PTGFRN: variants seen among roughly 807,000 people sequenced by gnomAD.
PTGFRN encodes prostaglandin F2 receptor inhibitor.
A neutral mutation model predicts 83.2 loss-of-function variants in PTGFRN; 35 were observed. That is an observed-to-expected ratio of 0.42 (90% CI 0.32 to 0.56). The LOEUF is 0.56. PTGFRN is among the 20% of genes least tolerant of loss of function. The probability of loss-of-function intolerance (pLI) is 0.11; values close to 1 mark genes in which losing one functional copy is unlikely to be tolerated. For missense variants in PTGFRN, 1,051 were observed against 1,179.5 expected, an observed-to-expected ratio of 0.89 and a Z score of 1.60; for synonymous variants, 519 against 498.6, an observed-to-expected ratio of 1.04 and a Z score of -0.55.
At position 116,936,784 on chromosome 1, in the gene PTGFRN, T is replaced by TATTC. The variant is rs556079917; in HGVS notation, c.50-4915_50-4912dup. ...ATCATGAGTGGTCTTGTATGTCTTT[T>TATTC]ATTCATTCATTCATTCATTTAACAA... On this transcript the variant is annotated intron_variant, in intron 1 of 8. Transcript: ENST00000393203. Among the ~76,000 whole-genome samples the TATTC allele has an allele frequency of 5.6e-4, 86 of 152,340 alleles. No individual in the cohort carries two copies. The Middle Eastern group carries it at 0.014, about 24-fold the overall frequency.
chr1:116,948,290 CAG>C (rs1368257375), intron 3 of PTGFRN, among the ~76,000 whole-genome samples: 1 of 152,176 alleles, frequency 6.6e-6, no homozygotes, highest in Non-Finnish European at 1.5e-5. Flanking sequence ...AAAGCTTTGA[CAG>C]GGGAATGCTG....
At position 116,964,084 on chromosome 1, in the gene PTGFRN, C is replaced by CG. The variant is rs200663157; in HGVS notation, c.1639+2416_1639+2417insG. Among the ~76,000 whole-genome samples the CG allele has an allele frequency of 4.4e-3, 674 of 152,082 alleles. 3 individuals are homozygous for CG. The highest frequency in any genetic ancestry group is 0.016 in the African/African-American group (643 of 41,476). On this transcript the variant is annotated intron_variant, in intron 5 of 8. Coordinates refer to ENST00000393203, the MANE Select transcript of PTGFRN (RefSeq NM_020440.4). ...CATGAGCCACCGTGCCGGGCGCCCCCCCTTTTTTATGCTAGTCTTGATCTT... is the reference window on the plus strand; with the variant it reads ...CATGAGCCACCGTGCCGGGCGCCCCCGCCTTTTTTATGCTAGTCTTGATCTT...
chr1:116,924,474 T>C (rs536095226), intron 1 of PTGFRN, among the ~76,000 whole-genome samples: 1 of 152,326 alleles, frequency 6.6e-6, no homozygotes, highest in African/African-American at 2.4e-5. Context: ...ATTAGTGCCA[T>C]GTCTGGATTG....
At chr1:116,938,019 G>A (rs912873573) in intron 1 of PTGFRN, among the ~76,000 whole-genome samples, 4 of 152,160 alleles carry the variant, frequency 2.6e-5, no homozygotes, top group Non-Finnish European at 5.9e-5. Context: ...CCACCATGAT[G>A]CTTTCTTCTA....
intron 1 of PTGFRN, among the ~76,000 whole-genome samples, chr1:116,916,108 T>C (rs59078469): frequency 0.062 from 9,480 of 152,218 alleles, 983 homozygotes; most frequent in African/African-American, 0.22. Context: ...CTTTGAAGGC[T>C]GATTTCTCCA....
At chr1:116,912,590 C>A (rs1029095237) in intron 1 of PTGFRN, among the ~76,000 whole-genome samples, 2 of 152,150 alleles carry the variant, frequency 1.3e-5, no homozygotes, top group Non-Finnish European at 2.9e-5. Flanking sequence ...TAGCCCAGGT[C>A]CTGATTGTTT....
At chr1:116,932,811 A>G (rs998434821) in intron 1 of PTGFRN, among the ~76,000 whole-genome samples, 1 of 152,222 alleles carries the variant, frequency 6.6e-6, no homozygotes, top group African/African-American at 2.4e-5. Context: ...ATGATAATAT[A>G]TAATGCAATT....
Position 116,961,094 on chromosome 1 carries a change from A to G in PTGFRN, c.1214-149A>G, listed in dbSNP as rs1650645722. 1 of 870,758 alleles carries G rather than the reference A, an allele frequency of 1.1e-6. No homozygotes were observed. The highest frequency in any genetic ancestry group is 3.2e-5 in the South Asian group (1 of 31,552). The allele number at this position is 870,758 out of a possible 1,614,324, so 53.9% of individuals were successfully genotyped here. A position where few individuals can be genotyped will look rare whatever the true frequency, so the allele number is the denominator to read the frequency against. On this transcript the variant is annotated intron_variant, in intron 4 of 8. Coordinates refer to ENST00000393203, the MANE Select transcript of PTGFRN (RefSeq NM_020440.4). This position sits in a 1 kb window ranked among gnomAD's most constrained non-coding sequence, Gnocchi z 5.4. ...AAAACACTGTTCTAGGATCCTATCCAATGCAACGACTGATTTCTGTCTCTC... is the reference window on the plus strand; with the variant it reads ...AAAACACTGTTCTAGGATCCTATCCGATGCAACGACTGATTTCTGTCTCTC...
rs149574646 is a variant in PTGFRN at position 116,967,177 on chromosome 1, G to A, written c.1906G>A (p.Asp636Asn). Reference sequence around the variant, plus strand: ...CGTTGTTTTAGAAAAAGTGCAGGAGGATGAGTTCCGCTATCGAATGTACCA... The same window carrying A: ...CGTTGTTTTAGAAAAAGTGCAGGAGAATGAGTTCCGCTATCGAATGTACCA... Reference protein sequence around the residue: ...DGVVLEKVQEDEFRYRMYQTQ... With the variant: ...DGVVLEKVQENEFRYRMYQTQ... The change falls in exon 6 of 9, where the codon GAT (aspartate) becomes AAT (asparagine). Residue 636 changes from aspartate (D) to asparagine (N), a missense_variant. Physicochemically the swap from Asp to Asn is conservative, Grantham distance 23 (BLOSUM62 1). Coordinates refer to ENST00000393203, the MANE Select transcript of PTGFRN (RefSeq NM_020440.4). 5 of 1,614,076 alleles carry A rather than the reference G, an allele frequency of 3.1e-6. No individual in the cohort carries two copies. In the African/African-American group the frequency reaches 4.0e-5, roughly 13 times the overall value.
chr1:116,944,062 G>A (rs914430977), intron 2 of PTGFRN, among the ~76,000 whole-genome samples: 2 of 152,156 alleles, frequency 1.3e-5, no homozygotes, highest in African/African-American at 4.8e-5. Context: ...TTCCTATCAT[G>A]TGGATATGCT....
intron 1 of PTGFRN, among the ~76,000 whole-genome samples, chr1:116,933,721 T>C (rs1468418835): frequency 1.3e-5 from 2 of 152,200 alleles, no homozygotes; most frequent in African/African-American, 4.8e-5. Flanking sequence ...CCTAGGTTGG[T>C]GGTTACTTCC....
rs1355303872 is a variant in PTGFRN, at chr1:116,952,561, T to A, written c.1213+2989T>A. The stretch of plus-strand genomic sequence containing the variant: ...CAAAAGGGTAAAAGAAGAATAGATA[T>A]TGCAAGGTGGTTGGTATGAATTAGT... On this transcript the variant is annotated intron_variant, in intron 4 of 8. Coordinates refer to ENST00000393203, the MANE Select transcript of PTGFRN (RefSeq NM_020440.4). This position sits in a 1 kb window ranked among gnomAD's most constrained non-coding sequence, Gnocchi z 4.0. Among the ~76,000 whole-genome samples the A allele has an allele frequency of 6.6e-6, 1 of 150,896 alleles. No homozygotes were observed. The highest frequency in any genetic ancestry group is 1.5e-5 in the Non-Finnish European group (1 of 67,844).
In PTGFRN at chr1:116,961,237, G is replaced by T. The variant is rs561972598; in HGVS notation, c.1214-6G>T. 1.3e-6 allele frequency: 2 copies of T among 1,499,646 alleles called. No homozygotes were observed. The highest frequency in any genetic ancestry group is 2.3e-5 in the Admixed American group (1 of 43,244). 92.9% of individuals were successfully genotyped at this position (1,499,646 alleles called of 1,614,324 possible). On this transcript the variant is annotated splice_polypyrimidine_tract_variant and splice_region_variant and intron_variant, in intron 4 of 8. Coordinates refer to ENST00000393203, the MANE Select transcript of PTGFRN (RefSeq NM_020440.4). The surrounding 1 kb of genome is among the most constrained non-coding windows in gnomAD (Gnocchi z 5.4). ...TCCTATCCTGGCCTTTCTGTCTCTC[G>T]TTCAGAACCAGACTACCAGGTGTAC... is the stretch of plus-strand genomic sequence containing the variant.
rs1470347487 is a variant in PTGFRN at position 116,952,200 on chromosome 1, C to G, written c.1213+2628C>G. The stretch of plus-strand genomic sequence containing the variant: ...TATTTTTGGCCTTGGGACTCAGCTT[C>G]ATTCCTGAAACTCCAGAGCATAGTC... On this transcript the variant is annotated intron_variant, in intron 4 of 8. Transcript: ENST00000393203. This position sits in a 1 kb window ranked among gnomAD's most constrained non-coding sequence, Gnocchi z 4.0. Among the ~76,000 whole-genome samples, 1 of 152,200 alleles carries G rather than the reference C, an allele frequency of 6.6e-6. No homozygotes were observed. Among genetic ancestry groups the G allele is most frequent in the Non-Finnish European group, 1.5e-5 (1 of 68,046 alleles).
chr1:116,978,482 T>C (rs1651222058), intron 7 of PTGFRN, among the ~76,000 whole-genome samples: 2 of 152,166 alleles, frequency 1.3e-5, no homozygotes. Flanking sequence ...AATAAAATAC[T>C]GGCAAACCGA....
At chr1:116,915,862 T>C (rs74745009) in intron 1 of PTGFRN, among the ~76,000 whole-genome samples, 2 of 152,236 alleles carry the variant, frequency 1.3e-5, no homozygotes, top group East Asian at 3.8e-4. Context: ...CATTTGACTC[T>C]GCTTTGGGAA....
chr1:116,953,956 G>A (rs1650416640), intron 4 of PTGFRN, among the ~76,000 whole-genome samples: 3 of 151,038 alleles, frequency 2.0e-5, no homozygotes, highest in African/African-American at 4.9e-5. Context: ...AGATTCAAGC[G>A]ATTCTCCTGC....
At chr1:116,911,780 T>G (rs1649279117) in intron 1 of PTGFRN, among the ~76,000 whole-genome samples, 1 of 152,214 alleles carries the variant, frequency 6.6e-6, no homozygotes, top group African/African-American at 2.4e-5. Context: ...AGTGCTGGAA[T>G]TACAGGCATG....
chr1:116,985,942 C>T (rs950025367), intron 8 of PTGFRN, among the ~76,000 whole-genome samples: 1 of 152,086 alleles, frequency 6.6e-6, no homozygotes, highest in Non-Finnish European at 1.5e-5. Context: ...ACATGTTAGT[C>T]GAAATAACTC....
Sources: gnomAD v4.1 joint callset for allele counts (sites outside exome capture counted in the v4.1 genomes callset) on GRCh38, gnomAD v4.1.1 for gene constraint, Gnocchi (gnomAD v3.1) non-coding constraint, MANE v1.5 for transcripts, NCBI Gene and HGNC (gene_info 2026-07-23, HGNC 2026-07-21) for gene names.